Variants in UBAP2L observed in about 807,000 individuals in gnomAD.
The protein encoded by UBAP2L is ubiquitin-associated protein 2-like.
A neutral mutation model predicts 130.6 loss-of-function variants in UBAP2L; 12 were observed. The observed-to-expected ratio is 0.09, with a 90% CI of 0.06 to 0.15. The LOEUF (loss-of-function observed/expected upper bound fraction) is 0.15. Among genes scored for constraint, UBAP2L ranks in the 10% least tolerant of loss-of-function variants. The pLI, the probability that UBAP2L is intolerant of heterozygous loss-of-function variation, is 1.00. For missense variants in UBAP2L, 965 were observed against 1,332.5 expected, an observed-to-expected ratio of 0.72 and a Z score of 4.29; for synonymous variants, 503 against 524.7, an observed-to-expected ratio of 0.96 and a Z score of 0.57.
chr1:154,245,654 G>A (rs1363788257), intron 10 of UBAP2L, among the ~76,000 whole-genome samples: 1 of 152,068 alleles, frequency 6.6e-6, no homozygotes, highest in Non-Finnish European at 1.5e-5. Flanking sequence ...GGTGGCTAAC[G>A]CCTGTAATCC....
rs767410167 is a variant in UBAP2L at position 154,261,015 on chromosome 1, C to T, written c.2702C>T (p.Ala901Val). The part of the protein sequence containing the change: ...HTTQQTFLNP[A>V]LPPGYSYTSL... ...ACGCAGCAGACATTCCTGAACCCGG[C>T]GCTGCCTCCTGGCTACAGTTACACC... The change falls in exon 23 of 27, where the codon GCG (alanine) becomes GTG (valine). Residue 901 changes from alanine to valine, a missense_variant. By Grantham distance (64) the Ala-to-Val change is moderately conservative (BLOSUM62 0). Coordinates refer to ENST00000428931, the MANE Select transcript of UBAP2L (RefSeq NM_014847.4). The T allele has an allele frequency of 1.1e-5, 17 of 1,614,086 alleles. No homozygotes were observed. The highest frequency in any genetic ancestry group is 7.6e-6 in the Non-Finnish European group (9 of 1,180,046).
intron 6 of UBAP2L, among the ~76,000 whole-genome samples, chr1:154,236,190 C>T (rs369753214): frequency 2.0e-5 from 3 of 152,110 alleles, no homozygotes; most frequent in East Asian, 3.9e-4. Context: ...AGAGCTGCCT[C>T]AGCTGGCAGG....
At chr1:154,250,258 G>A (rs1055087085) in intron 12 of UBAP2L, among the ~76,000 whole-genome samples, 8 of 152,078 alleles carry the variant, frequency 5.3e-5, no homozygotes, top group Non-Finnish European at 1.0e-4. Context: ...GGTTTTCACC[G>A]TGTTGCCCAG....
chr1:154,228,506 A>T, intron 3 of UBAP2L, 109 bp from the exon 4 acceptor site: 1 of 821,708 alleles, frequency 1.2e-6, no homozygotes, highest in Non-Finnish European at 2.0e-6. Flanking sequence ...TGCTTTTTAA[A>T]CTTGTTTTTT....
intron 20 of UBAP2L, 74 bp from the exon 21 acceptor site, chr1:154,258,903 G>T: frequency 1.6e-6 from 2 of 1,234,552 alleles, no homozygotes; most frequent in Non-Finnish European, 1.2e-6. Context: ...TGTTGAATTA[G>T]CTTGTCTCTT....
intron 16 of UBAP2L, 105 bp downstream of exon 16, chr1:154,254,995 G>C: frequency 1.4e-6 from 2 of 1,441,646 alleles, no homozygotes; most frequent in Non-Finnish European, 1.9e-6. Context: ...CCCATGCTGT[G>C]TAATTCTCAG....
At chr1:154,239,545 G>T (rs1247146119) in intron 8 of UBAP2L, among the ~76,000 whole-genome samples, 1 of 152,170 alleles carries the variant, frequency 6.6e-6, no homozygotes, top group African/African-American at 2.4e-5. Flanking sequence ...CTAGTCTGTT[G>T]TTTAGAGCAT....
chr1:154,223,797 T>G (rs910333884), intron 1 of UBAP2L, among the ~76,000 whole-genome samples: 2 of 152,206 alleles, frequency 1.3e-5, no homozygotes, highest in Non-Finnish European at 2.9e-5. Context: ...GAAAGTCAGA[T>G]GAAATTCACT....
downstream of UBAP2L, chr1:154,271,187 G>A: frequency 2.3e-6 from 1 of 433,480 alleles, no homozygotes; most frequent in Non-Finnish European, 4.1e-6. Flanking sequence ...GTGGAAAATG[G>A]AGAGGATCAA....
intron 6 of UBAP2L, among the ~76,000 whole-genome samples, chr1:154,236,356 A>G (rs890250201): frequency 6.6e-6 from 1 of 151,934 alleles, no homozygotes; most frequent in Non-Finnish European, 1.5e-5. Flanking sequence ...GTGCCACCAC[A>G]CTCAGCAAAT....
intron 6 of UBAP2L, 30 bp from the exon 7 acceptor site, chr1:154,236,536 T>C: frequency 6.2e-7 from 1 of 1,613,390 alleles, no homozygotes; most frequent in Non-Finnish European, 8.5e-7. Context: ...AAAATACATC[T>C]CTCTTCTCTT....
At chr1:154,227,595 G>A (rs1668397341) in intron 3 of UBAP2L, among the ~76,000 whole-genome samples, 2 of 150,034 alleles carry the variant, frequency 1.3e-5, no homozygotes, top group African/African-American at 4.9e-5. Flanking sequence ...CACCCAGGCT[G>A]GAGTGCAGTG....
Position 154,246,307 on chromosome 1 carries a change from T to C in UBAP2L, c.946T>C (p.Phe316Leu). Residue 316 changes from phenylalanine (F) to leucine (L), a missense_variant, in exon 11 of 27, where the codon TTC becomes CTC. Phe to Leu is a conservative substitution (Grantham distance 22). Around this residue, in one of 9 missense-constraint regions of UBAP2L, gnomAD observed 99 missense variants for 106.4 expected, o/e 0.93. Coordinates refer to ENST00000428931, the MANE Select transcript of UBAP2L (RefSeq NM_014847.4). ...TCCTTCTCTGGCCCAGCCTCTGGTG[T>C]TCAGTAATTCGAAGCAGACTGCCAT... Reference protein sequence around the residue: ...QAPSLAQPLVFSNSKQTAISQ... With the variant: ...QAPSLAQPLVLSNSKQTAISQ... 6.2e-7 allele frequency: 1 copy of C among 1,613,744 alleles called. No homozygotes were observed. Among genetic ancestry groups the C allele is most frequent in the Non-Finnish European group, 8.5e-7 (1 of 1,179,890 alleles).
At chr1:154,247,960 T>A (rs983491550) in intron 11 of UBAP2L, among the ~76,000 whole-genome samples, 6 of 151,496 alleles carry the variant, frequency 4.0e-5, no homozygotes, top group East Asian at 1.9e-4. Context: ...TGTTTTTATT[T>A]TTTATTTATT....
intron 6 of UBAP2L, among the ~76,000 whole-genome samples, 162 bp from the exon 7 acceptor site, chr1:154,236,404 G>A (rs1671687581): frequency 6.6e-6 from 1 of 152,064 alleles, no homozygotes; most frequent in Non-Finnish European, 1.5e-5. Flanking sequence ...TTGCTCTATT[G>A]CCTAGGCTGG....
intron 26 of UBAP2L, chr1:154,269,230 C>T: frequency 2.0e-6 from 2 of 976,112 alleles, no homozygotes; most frequent in Middle Eastern, 2.1e-4. Flanking sequence ...CCCATCAGAC[C>T]TGGGTCACAC....
intron 18 of UBAP2L, among the ~76,000 whole-genome samples, chr1:154,256,460 G>C (rs990529293): frequency 6.6e-6 from 1 of 152,066 alleles, no homozygotes; most frequent in African/African-American, 2.4e-5. Flanking sequence ...AATATAGTGA[G>C]ACCTCATCTC....
rs566772327 is a variant in UBAP2L, at chr1:154,253,831, C to T, written c.1665-69C>T. The T allele has an allele frequency of 2.1e-5, 31 of 1,491,430 alleles. No homozygotes were observed. The East Asian group carries it at 2.8e-4, about 14-fold the overall frequency. The allele number at this position is 1,491,430 out of a possible 1,614,324, so 92.4% of individuals were successfully genotyped here. ...AAGTTATTCCACTAGTAGATCTCCA[C>T]GATTTCCTTAGTATGAGTAGATATG... On this transcript the variant is annotated intron_variant, in intron 14 of 26. Transcript: ENST00000428931.
chr1:154,254,419 C>T (rs973765306), intron 15 of UBAP2L, among the ~76,000 whole-genome samples: 2 of 152,232 alleles, frequency 1.3e-5, no homozygotes, highest in East Asian at 3.9e-4. Flanking sequence ...TAAGTCCTGG[C>T]ATGGTGAGGG....
Sources: allele counts gnomAD v4.1 joint callset (sites outside exome capture counted in the v4.1 genomes callset), GRCh38; gene constraint gnomAD v4.1.1; regional missense constraint gnomAD v4.1.1; transcripts MANE v1.5; gene names NCBI Gene and HGNC (gene_info 2026-07-23, HGNC 2026-07-21).